Variants in SLC25A26 observed in about 807,000 individuals in gnomAD.
SLC25A26 encodes the protein mitochondrial S-adenosylmethionine carrier protein.
Under a neutral mutation model 37.8 loss-of-function variants are expected in SLC25A26, and 36 were observed. The observed-to-expected ratio is 0.95, with a 90% CI of 0.73 to 1.26. The LOEUF is 1.26. SLC25A26 is among the 50% of genes most tolerant of loss of function. SLC25A26 has a pLI of 0.00. For synonymous variants in SLC25A26, 129 were observed against 122.5 expected (o/e 1.05, Z -0.35); for missense variants, 390 against 331.1 (o/e 1.18, Z -1.38).
chr3:66,169,106 C>T (rs970096058), intron 1 of SLC25A26, among the ~76,000 whole-genome samples: 9 of 152,198 alleles, frequency 5.9e-5, no homozygotes, highest in Admixed American at 1.3e-4. Context: ...TCCTGGGTGA[C>T]AGAGCAAGAC....
At chr3:66,372,846 C>T (rs1238273571) in intron 9 of SLC25A26, among the ~76,000 whole-genome samples, 1 of 152,170 alleles carries the variant, frequency 6.6e-6, no homozygotes, top group Admixed American at 6.5e-5. Context: ...CTGCTGCCAC[C>T]TCCTGTCTCC....
At chr3:66,316,414 C>G (rs74559717) in intron 5 of SLC25A26, among the ~76,000 whole-genome samples, 3 of 152,148 alleles carry the variant, frequency 2.0e-5, no homozygotes, top group Non-Finnish European at 4.4e-5. Flanking sequence ...GTTGGAAATT[C>G]TTTTGTTTAA....
At chr3:66,192,761 C>A (rs1033130236) in intron 1 of SLC25A26, among the ~76,000 whole-genome samples, 12 of 152,206 alleles carry the variant, frequency 7.9e-5, no homozygotes, top group East Asian at 3.9e-4. Flanking sequence ...GTTTATTAAA[C>A]CTCATTTTAA....
chr3:66,177,387 T>A (rs1048310520), intron 1 of SLC25A26, among the ~76,000 whole-genome samples: 12 of 152,192 alleles, frequency 7.9e-5, no homozygotes, highest in Non-Finnish European at 1.2e-4. Flanking sequence ...GAATGGAGTT[T>A]TGCACATAAA....
At chr3:66,284,771 C>T (rs568821382) in intron 5 of SLC25A26, among the ~76,000 whole-genome samples, 12 of 152,160 alleles carry the variant, frequency 7.9e-5, no homozygotes, top group African/African-American at 2.9e-4. Context: ...AATGGTGCAG[C>T]AAATATATAT....
chr3:66,286,077 G>A (rs1267777841), intron 5 of SLC25A26, among the ~76,000 whole-genome samples: 1 of 152,072 alleles, frequency 6.6e-6, no homozygotes, highest in African/African-American at 2.4e-5. Context: ...TGGGAGTTTC[G>A]AAAGTTCTTT....
Position 66,236,633 on chromosome 3 carries a change from TA to T in SLC25A26, c.125del (p.Lys42ArgfsTer33), listed in dbSNP as rs1441335086. 6.5e-7 allele frequency: 1 copy of T among 1,530,174 alleles called. No individual in the cohort carries two copies. The highest frequency in any genetic ancestry group is 2.0e-5 in the Admixed American group (1 of 50,918). 94.8% of individuals were successfully genotyped at this position (1,530,174 alleles called of 1,614,324 possible). A position where few individuals can be genotyped will look rare whatever the true frequency, so the allele number is the denominator to read the frequency against. ...GGCTGCAGAGTCCCCAAGGATTTAGTAAGGCTGGTGGTTTTCATGGAATATA... is the reference window on the plus strand; with the variant it reads ...GGCTGCAGAGTCCCCAAGGATTTAGTAGGCTGGTGGTTTTCATGGAATATA... ...TRLQSPQGFS[K>X]AGGFHGIYAG... On this transcript the variant is annotated frameshift_variant, in exon 2 of 10. Transcript: ENST00000354883. LOFTEE classifies it high-confidence loss of function.
chr3:66,214,159 C>G (rs1190715362), intron 1 of SLC25A26, among the ~76,000 whole-genome samples: 2 of 152,024 alleles, frequency 1.3e-5, no homozygotes, highest in African/African-American at 4.8e-5. Flanking sequence ...TCTTGAATGG[C>G]TTGGCCCCAT....
chr3:66,233,455 C>T (rs1424438581), intron 1 of SLC25A26, among the ~76,000 whole-genome samples: 1 of 142,528 alleles, frequency 7.0e-6, no homozygotes, highest in Non-Finnish European at 1.5e-5. Flanking sequence ...TGAAATGAAT[C>T]ACTTGCCTGA....
At chr3:66,320,308 T>C (rs2075660902) in intron 5 of SLC25A26, among the ~76,000 whole-genome samples, 1 of 152,188 alleles carries the variant, frequency 6.6e-6, no homozygotes, top group Non-Finnish European at 1.5e-5. Flanking sequence ...CCACTTTATG[T>C]CTCTGTGATT....
intron 1 of SLC25A26, among the ~76,000 whole-genome samples, chr3:66,175,138 TATACAC>T (rs1456370469): frequency 9.3e-5 from 6 of 64,274 alleles, no homozygotes; most frequent in African/African-American, 4.7e-4. Context: ...TATATATATA[TATACAC>T]ACACACACAC....
intron 5 of SLC25A26, among the ~76,000 whole-genome samples, chr3:66,295,261 T>C (rs1431261835): frequency 6.6e-6 from 1 of 152,194 alleles, no homozygotes; most frequent in African/African-American, 2.4e-5. Flanking sequence ...TCCCGCACTT[T>C]TGGCTGGGCT....
chr3:66,374,146 GAAGT>G (rs1365701329), intron 9 of SLC25A26, among the ~76,000 whole-genome samples: 1 of 152,232 alleles, frequency 6.6e-6, no homozygotes, highest in Non-Finnish European at 1.5e-5. Flanking sequence ...TCTGCTTACA[GAAGT>G]AATACAGGCA....
At chr3:66,246,679 T>A (rs2072858087) in intron 3 of SLC25A26, among the ~76,000 whole-genome samples, 1 of 152,086 alleles carries the variant, frequency 6.6e-6, no homozygotes, top group Non-Finnish European at 1.5e-5. Flanking sequence ...CTACATTGTG[T>A]CTTTTGGGGG....
At chr3:66,304,776 A>G (rs768635656) in intron 5 of SLC25A26, among the ~76,000 whole-genome samples, 4 of 152,132 alleles carry the variant, frequency 2.6e-5, no homozygotes, top group Non-Finnish European at 4.4e-5. Context: ...GAACTTTGCA[A>G]TTTTCAATAC....
intron 1 of SLC25A26, among the ~76,000 whole-genome samples, chr3:66,212,012 C>T (rs1166453227): frequency 2.0e-5 from 3 of 152,142 alleles, no homozygotes; most frequent in Non-Finnish European, 4.4e-5. Flanking sequence ...CCGAGTGAAC[C>T]GAACCGCAGT....
intron 5 of SLC25A26, among the ~76,000 whole-genome samples, chr3:66,322,782 C>A (rs1307913430): frequency 1.3e-5 from 2 of 152,168 alleles, no homozygotes; most frequent in Admixed American, 6.5e-5. Flanking sequence ...GCTAGATGGA[C>A]TTTTTCATTC....
chr3:66,351,597 C>G (rs2076455390), intron 6 of SLC25A26, among the ~76,000 whole-genome samples: 1 of 152,118 alleles, frequency 6.6e-6, no homozygotes, highest in Non-Finnish European at 1.5e-5. Flanking sequence ...GAGTGGCAGC[C>G]TCAGATCACC....
intron 5 of SLC25A26, among the ~76,000 whole-genome samples, chr3:66,313,092 T>C (rs2075429684): frequency 6.6e-6 from 1 of 152,226 alleles, no homozygotes; most frequent in African/African-American, 2.4e-5. Context: ...TTTGCTCTGA[T>C]GATAGTTTCT....
Sources: allele counts gnomAD v4.1 joint callset (sites outside exome capture counted in the v4.1 genomes callset), GRCh38; gene constraint gnomAD v4.1.1; transcripts MANE v1.5; gene names NCBI Gene and HGNC (gene_info 2026-07-23, HGNC 2026-07-21).